Variants in PM20D2 observed in about 807,000 individuals in gnomAD.
PM20D2 encodes xaa-Arg dipeptidase.
A neutral mutation model predicts 42.9 loss-of-function variants in PM20D2; 33 were observed. The ratio of observed to expected loss-of-function variants is 0.77; its 90% CI spans 0.58 to 1.03. PM20D2 has a LOEUF of 1.03. Ranked by LOEUF, PM20D2 falls within the 50% of genes least tolerant of loss-of-function variation. The pLI is 0.00. For missense variants in PM20D2, 548 were observed against 557.0 expected, an observed-to-expected ratio of 0.98 and a Z score of 0.16; for synonymous variants, 250 against 228.2, an observed-to-expected ratio of 1.10 and a Z score of -0.86.
chr6:89,112,580 C>CT, the PM20D2 span, among the ~76,000 whole-genome samples: 9,550 of 144,258 alleles, frequency 0.066, 889 homozygotes, highest in African/African-American at 0.21. Flanking sequence ...GCCCGGCTAA[C>CT]TTTTTTTTTT....
chr6:89,146,585 C>T lies in PM20D2; in HGVS notation c.441C>T (p.Leu147=). ...GCGTGAGGGGGGCCTTAGAGGGCCTCCCCAGGCCGCCTCCGCCCGTGAAGG... is the reference window on the plus strand; with the variant it reads ...GCGTGAGGGGGGCCTTAGAGGGCCTTCCCAGGCCGCCTCCGCCCGTGAAGG... ...ALGVRGALEG[L]PRPPPPVKVV... is the part of the protein sequence containing the mutation. The change falls in exon 1 of 7, where the codon CTC becomes CTT. Residue 147 remains leucine (L), a synonymous_variant. Transcript: ENST00000275072. The T allele has an allele frequency of 6.8e-7, 1 of 1,462,742 alleles. No homozygotes were observed. Among genetic ancestry groups the T allele is most frequent in the South Asian group, 1.3e-5 (1 of 75,814 alleles). 90.6% of individuals were successfully genotyped at this position (1,462,742 alleles called of 1,614,324 possible). A position where few individuals can be genotyped will look rare whatever the true frequency, so the allele number is the denominator to read the frequency against.
rs1300778440 is a variant in PM20D2, at chr6:89,154,629, G to C, written c.758-119G>C. 11 of 661,034 alleles carry C rather than the reference G, an allele frequency of 1.7e-5. No homozygotes were observed. The Admixed American group carries it at 3.3e-4, about 20-fold the overall frequency. The allele number at this position is 661,034 out of a possible 1,614,324, so 40.9% of individuals were successfully genotyped here. A position where few individuals can be genotyped will look rare whatever the true frequency, so the allele number is the denominator to read the frequency against. On this transcript the variant is annotated intron_variant, in intron 3 of 6. Transcript: ENST00000275072. ...AATCTTTGATTGGTGTATTGGTGGA[G>C]CTAGTGAGTTTAAATTATTTTTCTT...
At chr6:89,102,873 C>T in the PM20D2 span, among the ~76,000 whole-genome samples, 1 of 152,118 alleles carries the variant, frequency 6.6e-6, no homozygotes, top group African/African-American at 2.4e-5. Flanking sequence ...CACCTCAGTC[C>T]ACCCTCTCCC....
intron 4 of PM20D2, among the ~76,000 whole-genome samples, chr6:89,155,872 T>A (rs1771031495): frequency 7.0e-6 from 1 of 143,696 alleles, no homozygotes; most frequent in Non-Finnish European, 1.5e-5. Context: ...CCACCACACC[T>A]GGCTAATTTT....
the PM20D2 span, among the ~76,000 whole-genome samples, chr6:89,106,522 T>C: frequency 2.6e-5 from 4 of 152,200 alleles, no homozygotes; most frequent in African/African-American, 7.2e-5. Flanking sequence ...CTAAACTTCC[T>C]TATGTATATA....
the PM20D2 span, among the ~76,000 whole-genome samples, chr6:89,114,976 T>G: frequency 6.6e-6 from 1 of 152,072 alleles, no homozygotes; most frequent in Non-Finnish European, 1.5e-5. Context: ...TTTTGTATCT[T>G]TAGTAGAGAC....
At chr6:89,102,950 C>T in the PM20D2 span, among the ~76,000 whole-genome samples, 1 of 151,992 alleles carries the variant, frequency 6.6e-6, no homozygotes, top group South Asian at 2.1e-4. Context: ...TTTTTGTAGA[C>T]ATGGGGGTCT....
the PM20D2 span, among the ~76,000 whole-genome samples, chr6:89,119,325 G>C: frequency 6.6e-6 from 1 of 152,224 alleles, no homozygotes; most frequent in Admixed American, 6.5e-5. Flanking sequence ...CAGGCATTGT[G>C]GGATGGTGAG....
At position 89,146,153 on chromosome 6, in the gene PM20D2, C is replaced by A; in HGVS notation, c.9C>A (p.Pro3=). The part of the protein sequence containing the change: MR[P]GGERPVEGGA... ...CAGCGGGCTTGGGCAGCATGAGGCCCGGAGGGGAGCGGCCCGTGGAAGGGG... is the reference window on the plus strand; with the variant it reads ...CAGCGGGCTTGGGCAGCATGAGGCCAGGAGGGGAGCGGCCCGTGGAAGGGG... The change falls in exon 1 of 7, where the codon CCC becomes CCA. Residue 3 remains proline, a synonymous_variant. Transcript: ENST00000275072. 6.7e-7 allele frequency: 1 copy of A among 1,501,660 alleles called. No individual in the cohort carries two copies. The highest frequency in any genetic ancestry group is 2.5e-5 in the East Asian group (1 of 40,086). 93.0% of individuals were successfully genotyped at this position (1,501,660 alleles called of 1,614,324 possible).
chr6:89,141,609 G>A (rs1468057892), upstream of PM20D2, among the ~76,000 whole-genome samples: 1 of 152,028 alleles, frequency 6.6e-6, no homozygotes, highest in Non-Finnish European at 1.5e-5. Context: ...CAAGTGATTC[G>A]CCCATCTCGG....
At chr6:89,113,879 G>C in the PM20D2 span, among the ~76,000 whole-genome samples, 32 of 152,216 alleles carry the variant, frequency 2.1e-4, no homozygotes, top group African/African-American at 7.5e-4. Flanking sequence ...CTGAGCTTAA[G>C]TGATCTACCC....
intron 5 of PM20D2, among the ~76,000 whole-genome samples, chr6:89,159,964 C>T (rs919439391): frequency 2.6e-5 from 4 of 152,124 alleles, no homozygotes; most frequent in African/African-American, 9.7e-5. Flanking sequence ...ATGGACAAAA[C>T]AGTAGGATAA....
chr6:89,117,761 C>A, the PM20D2 span: 1 of 1,481,498 alleles, frequency 6.7e-7, no homozygotes, highest in Admixed American at 2.4e-5. Context: ...GGCCGTGCTC[C>A]GCGGCGCGGC....
At chr6:89,149,162 A>C in intron 1 of PM20D2, 103 bp from the exon 2 acceptor site, 4 of 1,390,710 alleles carry the variant, frequency 2.9e-6, no homozygotes, top group Non-Finnish European at 3.9e-6. Context: ...TTAATAGGTT[A>C]AGGACTTTAA....
intron 2 of PM20D2, among the ~76,000 whole-genome samples, chr6:89,151,552 A>G (rs1770843050): frequency 6.6e-6 from 1 of 152,188 alleles, no homozygotes; most frequent in Non-Finnish European, 1.5e-5. Context: ...AATAAGATAA[A>G]GCAATCCTGC....
At chr6:89,148,279 C>T (rs1291330008) in intron 1 of PM20D2, among the ~76,000 whole-genome samples, 2 of 152,090 alleles carry the variant, frequency 1.3e-5, no homozygotes, top group African/African-American at 4.8e-5. Context: ...GCTCCCGGCC[C>T]ACTCTTCTAA....
rs959803901 is a variant in PM20D2 at position 89,165,152 on chromosome 6, T to A, written c.*2889T>A. On this transcript the variant is annotated 3_prime_UTR_variant, in exon 7 of 7. Coordinates refer to ENST00000275072, the MANE Select transcript of PM20D2 (RefSeq NM_001010853.3). ...AATTGATACAATAAGTTTTTTTTTT[T>A]AAGGATGATTGTCTAATTTTGTAAT... is the stretch of plus-strand genomic sequence containing the variant. 1 of 151,920 alleles carries A rather than the reference T, an allele frequency of 6.6e-6. No individual in the cohort carries two copies. The highest frequency in any genetic ancestry group is 1.5e-5 in the Non-Finnish European group (1 of 67,958). The allele number at this position is 151,920 out of a possible 1,614,324, so 9.4% of individuals were successfully genotyped here. A position where few individuals can be genotyped will look rare whatever the true frequency, so the allele number is the denominator to read the frequency against.
the PM20D2 span, chr6:89,107,243 G>A: frequency 1.2e-6 from 2 of 1,613,978 alleles, no homozygotes; most frequent in South Asian, 1.1e-5. Context: ...CAAACTCACG[G>A]CGCAAGTCCT....
chr6:89,135,632 C>A, the PM20D2 span, among the ~76,000 whole-genome samples: 2 of 151,348 alleles, frequency 1.3e-5, no homozygotes, highest in Admixed American at 6.5e-5. Context: ...CAAGATCAGA[C>A]AGATTGTGTG....
Sources: gnomAD v4.1 joint callset for allele counts (sites outside exome capture counted in the v4.1 genomes callset) on GRCh38, gnomAD v4.1.1 for gene constraint, MANE v1.5 for transcripts, NCBI Gene and HGNC (gene_info 2026-07-23, HGNC 2026-07-21) for gene names.